Variants in FAT2 observed in about 807,000 individuals in gnomAD.
FAT2 encodes the protein FAT atypical cadherin 2, also known as protocadherin Fat 2.
A neutral mutation model predicts 295.3 loss-of-function variants in FAT2; 150 were observed. The ratio of observed to expected loss-of-function variants is 0.51; its 90% confidence interval spans 0.44 to 0.58. FAT2 has a LOEUF of 0.58. Among genes scored for constraint, FAT2 ranks in the 20% least tolerant of loss-of-function variants. FAT2 has a pLI of 0.00. For missense variants in FAT2, 4,868 were observed against 5,442.7 expected (o/e 0.89, Z 3.32); for synonymous variants, 2,026 against 2,150.3 (o/e 0.94, Z 1.60).
At position 151,579,013 on chromosome 5, in the gene FAT2, A is replaced by C. The variant is rs1758846235; in HGVS notation, c.-20-10062T>G. Among the ~76,000 whole-genome samples, 4 of 152,212 alleles carry C rather than the reference A, an allele frequency of 2.6e-5. 1 individual carries two copies. Among genetic ancestry groups the C allele is most frequent in the African/African-American group, 4.8e-5 (2 of 41,450 alleles). On this transcript the variant is annotated intron_variant, in intron 1 of 23. Transcript: ENST00000261800. ...GGGTGGGGATTGGGAAGATGGTCAA[A>C]GAATATAAAATTTCCATTTGGAGTT...
chr5:151,592,745 C>T (rs374440335), upstream of FAT2, among the ~76,000 whole-genome samples: 1 of 150,882 alleles, frequency 6.6e-6, no homozygotes, highest in African/African-American at 2.4e-5. Flanking sequence ...AGAACAGATC[C>T]GTTTCCCCTG....
chr5:151,515,511 C>G (rs1343658973), intron 20 of FAT2, among the ~76,000 whole-genome samples: 2 of 152,236 alleles, frequency 1.3e-5, no homozygotes, highest in African/African-American at 2.4e-5. Context: ...CTTACACATC[C>G]GAAACTGCAC....
Position 151,563,639 on chromosome 5 carries a change from C to T in FAT2, c.3260G>A (p.Gly1087Glu). 1 of 1,611,568 alleles carries T rather than the reference C, an allele frequency of 6.2e-7. No homozygotes were observed. Among genetic ancestry groups the T allele is most frequent in the East Asian group, 2.2e-5 (1 of 44,892 alleles). Residue 1087 changes from glycine (G) to glutamate (E), a missense_variant and splice_region_variant, in exon 3 of 24, where the codon GGA becomes GAA. Transcript: ENST00000261800. ...CAGGGGTGCCAGAGTCTGAATCATT[C>T]CTAGGGACAGTAAGTCAGCAAACCC... ...LAAFSINQDT[G>E]MIQTLAPLDR... is the part of the protein sequence containing the mutation.
intron 20 of FAT2, among the ~76,000 whole-genome samples, chr5:151,513,451 G>T (rs1330343273): frequency 3.9e-5 from 6 of 152,164 alleles, no homozygotes; most frequent in Admixed American, 2.6e-4. Context: ...CAGCAACATG[G>T]ATGGAGTTGG....
At chr5:151,537,133 A>C (rs375391733) in intron 12 of FAT2, among the ~76,000 whole-genome samples, 1 of 152,118 alleles carries the variant, frequency 6.6e-6, no homozygotes, top group South Asian at 2.1e-4. Flanking sequence ...CATAGCTAGC[A>C]AAAAGACAGA....
intron 18 of FAT2, among the ~76,000 whole-genome samples, chr5:151,524,672 A>G (rs565742616): frequency 1.3e-5 from 2 of 152,308 alleles, no homozygotes; most frequent in East Asian, 3.9e-4. Flanking sequence ...ACAGTCATCC[A>G]AGCCACAAGG....
At chr5:151,553,109 G>A in intron 6 of FAT2, 68 bp downstream of exon 6, 3 of 1,507,464 alleles carry the variant, frequency 2.0e-6, no homozygotes, top group Non-Finnish European at 2.8e-6. Context: ...GACTGTAGCA[G>A]GAAAACTAGA....
chr5:151,544,451 T>C lies in FAT2; in HGVS notation c.6676A>G (p.Thr2226Ala). Residue 2226 changes from threonine to alanine, a missense_variant, in exon 10 of 24, where the codon ACA (threonine) becomes GCA (alanine). By Grantham distance (58) the Thr-to-Ala change is moderately conservative. Transcript: ENST00000261800. ...TCATAGTCCAAAGGCCCTGTTACTG[T>C]TAGGACACCAGTCTTGAAGTCAGTG... ...FTTDFKTGVLTVTGPLDYESK... is the reference protein window; with the variant it reads ...FTTDFKTGVLAVTGPLDYESK... 6.2e-7 allele frequency: 1 copy of C among 1,614,112 alleles called. No homozygotes were observed. The highest frequency in any genetic ancestry group is 8.5e-7 in the Non-Finnish European group (1 of 1,179,982).
intron 11 of FAT2, among the ~76,000 whole-genome samples, chr5:151,540,008 G>A (rs544684144): frequency 1.3e-5 from 2 of 152,216 alleles, no homozygotes; most frequent in Non-Finnish European, 2.9e-5. Flanking sequence ...GGTTTGTCTG[G>A]GGTCAGGTCT....
rs1177237654 is a variant in FAT2, at chr5:151,531,888, G to A, written c.9510C>T (p.Arg3170=). Residue 3170 remains arginine, a synonymous_variant, in exon 14 of 24, where the codon CGC becomes CGT. Coordinates refer to ENST00000261800, the MANE Select transcript of FAT2 (RefSeq NM_001447.3). This position sits in a 1 kb window ranked among gnomAD's most constrained non-coding sequence, Gnocchi z 5.7. ...GCCTGACCTGCAGCGGCTTTTCCAG[G>A]CGGATCACCCCCGTGGTGGCGTCGA... The part of the protein sequence containing the change: ...FSIDATTGVI[R]LEKPLQVRPQ... 1.9e-6 allele frequency: 3 copies of A among 1,614,196 alleles called. No individual in the cohort carries two copies. Among genetic ancestry groups the A allele is most frequent in the Middle Eastern group, 1.6e-4 (1 of 6,062 alleles).
intron 19 of FAT2, among the ~76,000 whole-genome samples, chr5:151,518,940 C>T (rs1031248032): frequency 2.6e-5 from 4 of 152,110 alleles, no homozygotes; most frequent in African/African-American, 4.8e-5. Flanking sequence ...AGAGGATGAG[C>T]GGTCCAGCCT....
upstream of FAT2, among the ~76,000 whole-genome samples, chr5:151,592,056 C>T (rs1274998755): frequency 7.9e-5 from 12 of 152,074 alleles, no homozygotes; most frequent in South Asian, 2.1e-4. Flanking sequence ...TTCATGAGAC[C>T]GATTATGTGT....
rs2127579301 is a variant in FAT2 at position 151,521,369 on chromosome 5, G to A, written c.11224C>T (p.His3742Tyr). ...CQGQICHNTV[H>Y]LDPKVGPTYS... ...GTGGGCCCAACCTTGGGGTCCAGAT[G>A]CACTGTGTTATGGCAGATTTGACCC... Residue 3742 changes from histidine to tyrosine, a missense_variant, in exon 19 of 24, where the codon CAT (histidine) becomes TAT (tyrosine). Coordinates refer to ENST00000261800, the MANE Select transcript of FAT2 (RefSeq NM_001447.3). 6.2e-7 allele frequency: 1 copy of A among 1,614,242 alleles called. No homozygotes were observed. Among genetic ancestry groups the A allele is most frequent in the Non-Finnish European group, 8.5e-7 (1 of 1,180,046 alleles).
chr5:151,555,097 G>A (rs1233487229), intron 4 of FAT2, among the ~76,000 whole-genome samples: 2 of 152,292 alleles, frequency 1.3e-5, no homozygotes, highest in South Asian at 2.1e-4. Flanking sequence ...TGTGCACGTG[G>A]CCTGATGCAT....
Position 151,543,101 on chromosome 5 carries a change from G to A in FAT2, c.8026C>T (p.Pro2676Ser), listed in dbSNP as rs1183346510. The A allele has an allele frequency of 6.2e-7, 1 of 1,614,056 alleles. No individual in the cohort carries two copies. Among genetic ancestry groups the A allele is most frequent in the East Asian group, 2.2e-5 (1 of 44,894 alleles). ...TTAGGAACCACCTGAAGTCGTACTGGCACCAGAGAGTTCCAGTGAGGAGGG... is the reference window on the plus strand; with the variant it reads ...TTAGGAACCACCTGAAGTCGTACTGACACCAGAGAGTTCCAGTGAGGAGGG... Reference protein sequence around the residue: ...GGPPHWNSLVPVRLQVVPKKV... With the variant: ...GGPPHWNSLVSVRLQVVPKKV... Residue 2676 changes from proline to serine, a missense_variant, in exon 10 of 24, where the codon CCA becomes TCA. By Grantham distance (74) the Pro-to-Ser change is moderately conservative. Coordinates refer to ENST00000261800, the MANE Select transcript of FAT2 (RefSeq NM_001447.3).
chr5:151,517,531 ATGGGCTTC>A (rs1441304361), intron 20 of FAT2, 81 bp downstream of exon 20: 4 of 1,503,052 alleles, frequency 2.7e-6, no homozygotes, highest in Non-Finnish European at 3.7e-6. Context: ...TTTGGCAGAA[ATGGGCTTC>A]CTGACATTCC....
chr5:151,573,640 A>C (rs1207285820), intron 1 of FAT2, among the ~76,000 whole-genome samples: 8 of 152,324 alleles, frequency 5.3e-5, no homozygotes, highest in African/African-American at 1.9e-4. Flanking sequence ...GCAACAGAGC[A>C]GGACTCCATC....
chr5:151,538,020 A>G lies in FAT2; in HGVS notation c.9040-74T>C, dbSNP rs572687319. Reference sequence around the variant, plus strand: ...GATCCAGAGAGAAGCAGAGTGACTGACTGAGGGAGGCAGAAGCAGAAAGAG... The same window carrying G: ...GATCCAGAGAGAAGCAGAGTGACTGGCTGAGGGAGGCAGAAGCAGAAAGAG... On this transcript the variant is annotated intron_variant, in intron 11 of 23. Coordinates refer to ENST00000261800, the MANE Select transcript of FAT2 (RefSeq NM_001447.3). The G allele has an allele frequency of 5.3e-5, 74 of 1,394,240 alleles. No individual in the cohort carries two copies. The African/African-American group carries it at 6.4e-4, about 12-fold the overall frequency. 86.4% of individuals were successfully genotyped at this position (1,394,240 alleles called of 1,614,324 possible).
chr5:151,528,310 G>C (rs532336775), intron 15 of FAT2, among the ~76,000 whole-genome samples, 177 bp from the exon 16 acceptor site: 119 of 152,286 alleles, frequency 7.8e-4, no homozygotes, highest in African/African-American at 2.8e-3. Context: ...ACTTCAGCAT[G>C]CCATGGTTTA....
Sources: allele counts gnomAD v4.1 joint callset (sites outside exome capture counted in the v4.1 genomes callset), GRCh38; gene constraint gnomAD v4.1.1; non-coding constraint Gnocchi (gnomAD v3.1); transcripts MANE v1.5; gene names NCBI Gene and HGNC (gene_info 2026-07-23, HGNC 2026-07-21).